The following CTNS variants were observed in gnomAD, a reference collection of about 807,000 sequenced individuals.
The protein encoded by CTNS is cystinosin.
Under a neutral mutation model 43.7 loss-of-function variants are expected in CTNS, and 27 were observed. The observed-to-expected ratio is 0.62, with a 90% CI of 0.46 to 0.85. The LOEUF (loss-of-function observed/expected upper bound fraction) is 0.85, where lower values mean the gene tolerates loss of function less well. CTNS is among the 40% of genes least tolerant of loss of function. The pLI, the probability that CTNS is intolerant of heterozygous loss-of-function variation, is 0.00. For synonymous variants in CTNS, 187 were observed against 190.6 expected, an observed-to-expected ratio of 0.98 and a Z score of 0.16; for missense variants, 457 against 475.4, an observed-to-expected ratio of 0.96 and a Z score of 0.36.
At chr17:3,651,151 A>G (rs879416019) in intron 5 of CTNS, among the ~76,000 whole-genome samples, 1 of 147,010 alleles carries the variant, frequency 6.8e-6, no homozygotes, top group Non-Finnish European at 1.5e-5. Flanking sequence ...CTGGAGTGCA[A>G]TGGCGCAATC....
chr17:3,640,180 C>T lies in CTNS; in HGVS notation c.-19-8C>T. On this transcript the variant is annotated splice_polypyrimidine_tract_variant and splice_region_variant and intron_variant, in intron 2 of 11. Coordinates refer to ENST00000046640, the MANE Select transcript of CTNS (RefSeq NM_004937.3). ...CCTGAACTTCTCTCTTGCTGTTTTTCTTCCTAGTTCTGAGAAATCGAGAAA... is the reference window on the plus strand; with the variant it reads ...CCTGAACTTCTCTCTTGCTGTTTTTTTTCCTAGTTCTGAGAAATCGAGAAA... The T allele has an allele frequency of 6.2e-7, 1 of 1,609,748 alleles. No homozygotes were observed. The highest frequency in any genetic ancestry group is 1.1e-5 in the South Asian group (1 of 90,982).
intron 5 of CTNS, 72 bp from the exon 6 acceptor site, chr17:3,654,926 A>T: frequency 9.3e-7 from 1 of 1,070,414 alleles, no homozygotes; most frequent in Non-Finnish European, 1.5e-6. Context: ...AGCGTGTTGC[A>T]TAGAGCTAGA....
intron 5 of CTNS, among the ~76,000 whole-genome samples, chr17:3,649,873 A>C (rs1017108947): frequency 2.0e-5 from 3 of 152,224 alleles, no homozygotes; most frequent in African/African-American, 4.8e-5. Flanking sequence ...CTCAGGGCGC[A>C]TAACTTCTGG....
At chr17:3,641,384 A>ATTTTTT (rs869072123) in intron 3 of CTNS, among the ~76,000 whole-genome samples, 11 of 31,200 alleles carry the variant, frequency 3.5e-4, no homozygotes, top group African/African-American at 9.3e-4. Context: ...ATATATATAT[A>ATTTTTT]TTTTTTTTTT....
intron 9 of CTNS, 141 bp from the exon 10 acceptor site, chr17:3,657,864 C>T (rs1401611554): frequency 3.5e-6 from 3 of 863,648 alleles, no homozygotes; most frequent in Non-Finnish European, 5.6e-6. Context: ...CCAGTGCAGC[C>T]CCCACCTTGC....
At position 3,660,913 on chromosome 17, in the gene CTNS, C is replaced by T. The variant is rs907491035; in HGVS notation, c.*544C>T. 1.1e-6 allele frequency: 1 copy of T among 932,418 alleles called. No homozygotes were observed. The highest frequency in any genetic ancestry group is 1.6e-6 in the Non-Finnish European group (1 of 612,260). 57.8% of individuals were successfully genotyped at this position (932,418 alleles called of 1,614,324 possible). A position where few individuals can be genotyped will look rare whatever the true frequency, so the allele number is the denominator to read the frequency against. On this transcript the variant is annotated 3_prime_UTR_variant, in exon 12 of 12. Transcript: ENST00000046640. ...TTCCTGACGTACTCTCTGTACATAA[C>T]TCAGCGTCCGTGACTGCAGTAACAG... is the stretch of plus-strand genomic sequence containing the variant.
chr17:3,642,796 G>T (rs1229588855), intron 3 of CTNS, among the ~76,000 whole-genome samples: 1 of 152,126 alleles, frequency 6.6e-6, no homozygotes, highest in South Asian at 2.1e-4. Context: ...TTTGCTTTGG[G>T]TAGTAATTAT....
chr17:3,656,224 TGCCCCTC>T (rs2076137055), intron 7 of CTNS, among the ~76,000 whole-genome samples: 1 of 42,794 alleles, frequency 2.3e-5, no homozygotes, highest in Non-Finnish European at 3.8e-5. Context: ...CCCACTGCCC[TGCCCCTC>T]CACCCCCCAC....
intron 5 of CTNS, among the ~76,000 whole-genome samples, chr17:3,649,702 C>G (rs1202406689): frequency 6.6e-6 from 1 of 152,162 alleles, no homozygotes; most frequent in African/African-American, 2.4e-5. Context: ...GCCGTGTGAT[C>G]TAATAGCGAT....
At chr17:3,652,689 G>A (rs999495747) in intron 5 of CTNS, among the ~76,000 whole-genome samples, 1 of 152,126 alleles carries the variant, frequency 6.6e-6, no homozygotes, top group South Asian at 2.1e-4. Context: ...TCGGTCAATC[G>A]ACTGATTTTC....
At position 3,655,093 on chromosome 17, in the gene CTNS, T is replaced by C; in HGVS notation, c.321T>C (p.Asn107=). 1 of 1,613,978 alleles carries C rather than the reference T, an allele frequency of 6.2e-7. No individual in the cohort carries two copies. Among genetic ancestry groups the C allele is most frequent in the Non-Finnish European group, 8.5e-7 (1 of 1,179,836 alleles). ...TTTATCTACATGGAAATCACTCCAA[T>C]CAGACCGGGTAGGCTGGCCTCAGGG... ...LTVYLHGNHS[N]QTGPRIRFLV... Residue 107 remains asparagine, a synonymous_variant, in exon 6 of 12, where the codon AAT becomes AAC. Coordinates refer to ENST00000046640, the MANE Select transcript of CTNS (RefSeq NM_004937.3).
rs140053414 is a variant in CTNS at position 3,647,115 on chromosome 17, C to T, written c.62-329C>T. Among the ~76,000 whole-genome samples, 1,410 of 152,284 alleles carry T rather than the reference C, an allele frequency of 9.3e-3. 8 individuals are homozygous for T. The highest frequency in any genetic ancestry group is 0.015 in the Non-Finnish European group (991 of 68,012). On this transcript the variant is annotated intron_variant, in intron 3 of 11. Coordinates refer to ENST00000046640, the MANE Select transcript of CTNS (RefSeq NM_004937.3). ...GGCTGCCTTTTACGCTCCCAGGTCA[C>T]GCTGGAATTCCCCTGTAATGATTTT...
In CTNS at chr17:3,652,241, A is replaced by G. The variant is rs531322716; in HGVS notation, c.226-2757A>G. Reference sequence around the variant, plus strand: ...ACCGTCTCCTTATTCGTAGCTGTACAGTGAATAATGTTTACTTGACAGCCT... The same window carrying G: ...ACCGTCTCCTTATTCGTAGCTGTACGGTGAATAATGTTTACTTGACAGCCT... On this transcript the variant is annotated intron_variant, in intron 5 of 11. Coordinates refer to ENST00000046640, the MANE Select transcript of CTNS (RefSeq NM_004937.3). Among the ~76,000 whole-genome samples the G allele has an allele frequency of 8.5e-5, 13 of 152,336 alleles. No individual in the cohort carries two copies. The East Asian group carries it at 2.1e-3, about 25-fold the overall frequency.
chr17:3,642,208 C>T (rs746408576), intron 3 of CTNS, among the ~76,000 whole-genome samples: 69 of 151,780 alleles, frequency 4.5e-4, no homozygotes, highest in Non-Finnish European at 8.2e-4. Flanking sequence ...ATTAGTAATG[C>T]TAACACGCTC....
In CTNS at chr17:3,647,514, C is replaced by G. The variant is rs756058217; in HGVS notation, c.132C>G (p.Leu44=). The part of the protein sequence containing the change: ...LENGSSTNVS[L]TLRPPLNATL... ...ACGGCAGCTCGACCAACGTCAGCCTCACCCTGCGGTAAGTTCCTGGGCCTG... is the reference window on the plus strand; with the variant it reads ...ACGGCAGCTCGACCAACGTCAGCCTGACCCTGCGGTAAGTTCCTGGGCCTG... Residue 44 remains leucine, a synonymous_variant, in exon 4 of 12, where the codon CTC becomes CTG. Coordinates refer to ENST00000046640, the MANE Select transcript of CTNS (RefSeq NM_004937.3). 1 of 1,613,980 alleles carries G rather than the reference C, an allele frequency of 6.2e-7. No individual in the cohort carries two copies.
At position 3,658,023 on chromosome 17, in the gene CTNS, T is replaced by C. The variant is rs777603903; in HGVS notation, c.700T>C (p.Ser234Pro). Residue 234 changes from serine to proline, a missense_variant, in exon 10 of 12, where the codon TCC (serine) becomes CCC (proline). Transcript: ENST00000046640. ...CCCCCAGCGCGGTGGCCAGCGCGTG[T>C]CCTGGCCTGCCATCGGCTTCCTGGT... ...CLYERGGQRV[S>P]WPAIGFLVLA... 1 of 1,610,822 alleles carries C rather than the reference T, an allele frequency of 6.2e-7. No homozygotes were observed. The highest frequency in any genetic ancestry group is 8.5e-7 in the Non-Finnish European group (1 of 1,179,936).
chr17:3,642,041 C>CTCTGTGTGTGTGTGTGTG (rs2075723816), intron 3 of CTNS, among the ~76,000 whole-genome samples: 1 of 143,788 alleles, frequency 7.0e-6, no homozygotes, highest in Non-Finnish European at 1.5e-5. Context: ...TTGCCTGGGC[C>CTCTGTGTGTGTGTGTGTG]TGTGTGTGTG....
chr17:3,660,897 T>A lies in CTNS; in HGVS notation c.*528T>A. On this transcript the variant is annotated 3_prime_UTR_variant, in exon 12 of 12. Transcript: ENST00000046640. ...TTCTCTGAAGGCCACTTTCCTGACG[T>A]ACTCTCTGTACATAACTCAGCGTCC... The A allele has an allele frequency of 9.7e-7, 1 of 1,026,716 alleles. No homozygotes were observed. Among genetic ancestry groups the A allele is most frequent in the Non-Finnish European group, 1.4e-6 (1 of 689,850 alleles). 63.6% of individuals were successfully genotyped at this position (1,026,716 alleles called of 1,614,324 possible).
chr17:3,636,764 T>A lies in CTNS; in HGVS notation c.-297T>A, dbSNP rs1451952189. The A allele has an allele frequency of 1.3e-5, 2 of 152,830 alleles. No individual in the cohort carries two copies. Among genetic ancestry groups the A allele is most frequent in the African/African-American group, 4.8e-5 (2 of 41,472 alleles). 9.5% of individuals were successfully genotyped at this position (152,830 alleles called of 1,614,324 possible). On this transcript the variant is annotated 5_prime_UTR_variant, in exon 1 of 12. Coordinates refer to ENST00000046640, the MANE Select transcript of CTNS (RefSeq NM_004937.3). ...AGCCGGGCAGGGGAACGCGGTGCAT[T>A]CCTGACCGGCACCTGGCGAGGCTCA...
Sources: allele counts gnomAD v4.1 joint callset (sites outside exome capture counted in the v4.1 genomes callset), GRCh38; gene constraint gnomAD v4.1.1; transcripts MANE v1.5; gene names NCBI Gene and HGNC (gene_info 2026-07-23, HGNC 2026-07-21).